CYP2A13: variants seen among roughly 807,000 people sequenced by gnomAD.
CYP2A13 encodes the protein cytochrome P450 2A13.
CYP2A13 carries 30 observed loss-of-function variants against 39.4 expected under a neutral mutation model. That is an observed-to-expected ratio of 0.76 (90% confidence interval 0.57 to 1.03). CYP2A13 has a LOEUF of 1.03. CYP2A13 is among the 50% of genes least tolerant of loss of function. The probability of loss-of-function intolerance (pLI) is 0.00; values close to 1 mark genes in which losing one functional copy is unlikely to be tolerated. For missense variants in CYP2A13, 731 were observed against 648.4 expected, an observed-to-expected ratio of 1.13 and a Z score of -1.38; for synonymous variants, 269 against 254.7, an observed-to-expected ratio of 1.06 and a Z score of -0.54.
rs765308272 is a variant in CYP2A13 at position 41,089,076 on chromosome 19, C to G, written c.328C>G (p.Leu110Val). ...GRGEQATFDW[L>V]FKGYGVAFSN... ...AGGCGAGCAGGCCACCTTCGACTGG[C>G]TCTTCAAAGGCTATGGTGAGGGGGT... Residue 110 changes from leucine to valine, a missense_variant, in exon 2 of 9, where the codon CTC becomes GTC. By Grantham distance (32) the Leu-to-Val change is conservative. Transcript: ENST00000330436. The G allele has an allele frequency of 4.6e-5, 74 of 1,612,330 alleles. No homozygotes were observed. Among genetic ancestry groups the G allele is most frequent in the Admixed American group, 1.0e-4 (6 of 59,974 alleles).
chr19:41,094,929 C>A, intron 7 of CYP2A13, 30 bp from the exon 8 acceptor site: 1 of 1,612,984 alleles, frequency 6.2e-7, no homozygotes, highest in Non-Finnish European at 8.5e-7. Context: ...CAACCTGCCT[C>A]ATTACACACA....
chr19:41,089,259 C>T (rs1440260391), intron 2 of CYP2A13, among the ~76,000 whole-genome samples, 168 bp downstream of exon 2: 5 of 152,098 alleles, frequency 3.3e-5, no homozygotes, highest in Non-Finnish European at 4.4e-5. Context: ...CGTCCCTCAC[C>T]TGTCTCCAGC....
chr19:41,095,800 G>T lies in CYP2A13; in HGVS notation c.1344G>T (p.Glu448Asp). ...YCFGEGLARM[E>D]LFLFFTTIMQ... The stretch of plus-strand genomic sequence containing the variant: ...TTGGAGAAGGCCTGGCCAGAATGGA[G>T]CTCTTTCTCTTCTTCACCACCATCA... The change falls in exon 9 of 9, where the codon GAG (glutamate) becomes GAT (aspartate). Residue 448 changes from glutamate to aspartate, a missense_variant. Glu to Asp is a conservative substitution (Grantham distance 45). Coordinates refer to ENST00000330436, the MANE Select transcript of CYP2A13 (RefSeq NM_000766.5). The T allele has an allele frequency of 6.2e-7, 1 of 1,614,136 alleles. No homozygotes were observed. The highest frequency in any genetic ancestry group is 8.5e-7 in the Non-Finnish European group (1 of 1,179,992).
In CYP2A13 at chr19:41,090,200, A is replaced by C; in HGVS notation, c.493+4A>C. The C allele has an allele frequency of 6.4e-7, 1 of 1,563,988 alleles. No homozygotes were observed. Among genetic ancestry groups the C allele is most frequent in the South Asian group, 1.2e-5 (1 of 82,408 alleles). ...GACGCCCTCCGGGGCACGCACGGTG[A>C]GTAGGGGACCCCGAGTGCGAGGGCG... is the stretch of plus-strand genomic sequence containing the variant. On this transcript the variant is annotated splice_donor_region_variant and intron_variant, in intron 3 of 8. Transcript: ENST00000330436.
intron 8 of CYP2A13, 118 bp downstream of exon 8, chr19:41,095,218 A>C: frequency 6.3e-7 from 1 of 1,596,302 alleles, no homozygotes; most frequent in African/African-American, 1.3e-5. Flanking sequence ...TCCTGTTAGA[A>C]TCTACCATTG....
At chr19:41,089,444 C>G (rs1295327689) in intron 2 of CYP2A13, among the ~76,000 whole-genome samples, 1 of 152,028 alleles carries the variant, frequency 6.6e-6, no homozygotes, top group Non-Finnish European at 1.5e-5. Context: ...TGTGCTTCTC[C>G]GTGTTTCTCC....
rs552542677 is a variant in CYP2A13, at chr19:41,093,581, C to T, written c.832-49C>T. On this transcript the variant is annotated intron_variant, in intron 5 of 8. Coordinates refer to ENST00000330436, the MANE Select transcript of CYP2A13 (RefSeq NM_000766.5). Reference sequence around the variant, plus strand: ...TCCAAAGGAAAAGCCCTAGAAGGGCCCCAAGAGCATGGAGAGTGAGCTTGG... The same window carrying T: ...TCCAAAGGAAAAGCCCTAGAAGGGCTCCAAGAGCATGGAGAGTGAGCTTGG... 5.1e-5 allele frequency: 82 copies of T among 1,611,242 alleles called. No individual in the cohort carries two copies. In the South Asian group the frequency reaches 5.8e-4, roughly 11 times the overall value.
chr19:41,089,440 T>G (rs2031119198), intron 2 of CYP2A13, among the ~76,000 whole-genome samples: 1 of 152,086 alleles, frequency 6.6e-6, no homozygotes, highest in Non-Finnish European at 1.5e-5. Context: ...CTTCTGTGCT[T>G]CTCCGTGTTT....
At chr19:41,090,306 G>C in intron 3 of CYP2A13, 98 bp from the exon 4 acceptor site, 1 of 1,582,580 alleles carries the variant, frequency 6.3e-7, no homozygotes, top group South Asian at 1.2e-5. Flanking sequence ...CTGGCGCTGG[G>C]ATTCGGCTCA....
At position 41,095,916 on chromosome 19, in the gene CYP2A13, A is replaced by C. The variant is rs1301752763; in HGVS notation, c.1460A>C (p.Tyr487Ser). 1.3e-6 allele frequency: 2 copies of C among 1,589,898 alleles called. No individual in the cohort carries two copies. Among genetic ancestry groups the C allele is most frequent in the Non-Finnish European group, 8.6e-7 (1 of 1,165,722 alleles). ...HVGFATIPRN[Y>S]TMSFLPR ...GGCTTTGCCACGATCCCACGAAACT[A>C]CACCATGAGCTTCCTGCCCCGCTGA... Residue 487 changes from tyrosine to serine, a missense_variant, in exon 9 of 9, where the codon TAC (tyrosine) becomes TCC (serine). By Grantham distance (144) the Tyr-to-Ser change is moderately radical. Transcript: ENST00000330436.
intron 2 of CYP2A13, 55 bp from the exon 3 acceptor site, chr19:41,089,992 G>A: frequency 1.3e-6 from 2 of 1,537,128 alleles, no homozygotes; most frequent in African/African-American, 1.4e-5. Flanking sequence ...GAGCTGGTCC[G>A]CTCCTGCTCC....
At chr19:41,094,144 T>A (rs2031248405) in intron 6 of CYP2A13, 101 bp from the exon 7 acceptor site, 4 of 1,518,502 alleles carry the variant, frequency 2.6e-6, no homozygotes, top group Non-Finnish European at 2.7e-6. Flanking sequence ...TACCTCCGTG[T>A]CATAGGTGGA....
Position 41,095,772 on chromosome 19 carries a change from G to GT in CYP2A13, c.1320dup (p.Gly441TrpfsTer29). The stretch of plus-strand genomic sequence containing the variant: ...CTCTCCTCCTCAGGAAAGCGGTACT[G>GT]TTTTGGAGAAGGCCTGGCCAGAATG... On this transcript the variant is annotated frameshift_variant, in exon 9 of 9. Transcript: ENST00000330436. LOFTEE classifies it low-confidence loss of function (END_TRUNC). 1 of 1,614,084 alleles carries GT rather than the reference G, an allele frequency of 6.2e-7. No homozygotes were observed. The highest frequency in any genetic ancestry group is 8.5e-7 in the Non-Finnish European group (1 of 1,179,982).
In CYP2A13 at chr19:41,088,477, G is replaced by T. The variant is rs1158666021; in HGVS notation, c.6G>T (p.Leu2=). The part of the protein sequence containing the change: M[L]ASGLLLVTLL... The stretch of plus-strand genomic sequence containing the variant: ...TCTATCATCCCACTGCCACCATGCT[G>T]GCCTCAGGGCTGCTTCTGGTGACCT... Residue 2 remains leucine, a synonymous_variant, in exon 1 of 9, where the codon CTG becomes CTT. Coordinates refer to ENST00000330436, the MANE Select transcript of CYP2A13 (RefSeq NM_000766.5). The T allele has an allele frequency of 1.2e-6, 2 of 1,613,016 alleles. No homozygotes were observed. The highest frequency in any genetic ancestry group is 1.7e-5 in the Admixed American group (1 of 59,946).
rs1490722250 is a variant in CYP2A13 at position 41,090,637 on chromosome 19, C to T, written c.654+73C>T. 2.5e-6 allele frequency: 4 copies of T among 1,601,356 alleles called. No homozygotes were observed. In the South Asian group the frequency reaches 3.3e-5, roughly 13 times the overall value. On this transcript the variant is annotated intron_variant, in intron 4 of 8. Coordinates refer to ENST00000330436, the MANE Select transcript of CYP2A13 (RefSeq NM_000766.5). ...CTGCTCCCCTACCTGGAGACAGGTG[C>T]CCCAAACTCCCACCCCCCTCCAGAC...
intron 4 of CYP2A13, among the ~76,000 whole-genome samples, chr19:41,091,126 A>G (rs561351455): frequency 6.0e-4 from 92 of 152,312 alleles, no homozygotes; most frequent in African/African-American, 1.2e-3. Context: ...TAGATAGATT[A>G]TTCCCTGACA....
intron 4 of CYP2A13, 60 bp downstream of exon 4, chr19:41,090,624 C>G: frequency 1.2e-6 from 2 of 1,611,184 alleles, no homozygotes; most frequent in Non-Finnish European, 1.7e-6. Flanking sequence ...GCTCCCCTAC[C>G]TGGAGACAGG....
rs1293374995 is a variant in CYP2A13, at chr19:41,089,107, A to C, written c.343+16A>C. ...AAAGGCTATGGTGAGGGGGTGCCCA[A>C]GAGGGGGAAGGTGGCCAGGTGGATG... On this transcript the variant is annotated intron_variant, in intron 2 of 8. Transcript: ENST00000330436. The C allele has an allele frequency of 6.8e-6, 11 of 1,611,652 alleles. No individual in the cohort carries two copies. Among genetic ancestry groups the C allele is most frequent in the Non-Finnish European group, 8.5e-6 (10 of 1,179,572 alleles).
At position 41,090,546 on chromosome 19, in the gene CYP2A13, G is replaced by T; in HGVS notation, c.636G>T (p.Thr212=). Residue 212 remains threonine, a synonymous_variant, in exon 4 of 9, where the codon ACG becomes ACT. Transcript: ENST00000330436. The part of the protein sequence containing the change: ...LRMMLGSFQF[T]ATSTGQLYEM... Reference sequence around the variant, plus strand: ...TGATGCTGGGAAGCTTCCAGTTCACGGCAACCTCCACGGGGCAGGTAACTG... The same window carrying T: ...TGATGCTGGGAAGCTTCCAGTTCACTGCAACCTCCACGGGGCAGGTAACTG... 30 of 1,613,992 alleles carry T rather than the reference G, an allele frequency of 1.9e-5. No individual in the cohort carries two copies. Among genetic ancestry groups the T allele is most frequent in the Non-Finnish European group, 2.5e-5 (30 of 1,179,960 alleles).
Sources: allele counts gnomAD v4.1 joint callset (sites outside exome capture counted in the v4.1 genomes callset), GRCh38; gene constraint gnomAD v4.1.1; transcripts MANE v1.5; gene names NCBI Gene and HGNC (gene_info 2026-07-23, HGNC 2026-07-21).